PRKCZ: variants seen among roughly 807,000 people sequenced by gnomAD.
PRKCZ encodes protein kinase C zeta.
In PRKCZ, 33 loss-of-function variants were observed where a neutral mutation model predicts 79.5. That is an observed-to-expected ratio of 0.41 (90% CI 0.31 to 0.55). The LOEUF (loss-of-function observed/expected upper bound fraction) is 0.55. Among genes scored for constraint, PRKCZ ranks in the 20% least tolerant of loss-of-function variants. The pLI, the probability that PRKCZ is intolerant of heterozygous loss-of-function variation, is 0.19. For missense variants in PRKCZ, 578 were observed against 813.5 expected (o/e 0.71, Z 3.52); for synonymous variants, 342 against 320.9 (o/e 1.07, Z -0.70).
rs1428320172 is a variant in PRKCZ, at chr1:2,082,447, T to C, written c.334+22856T>C. On this transcript the variant is annotated intron_variant, in intron 4 of 17. Transcript: ENST00000378567. The surrounding 1 kb of genome is among the most constrained non-coding windows in gnomAD (Gnocchi z 4.4). ...GAGAGAATTGAGTTTGCATGGAGACTGTAATTTCATTCTGTGAGTGTAAGA... is the reference window on the plus strand; with the variant it reads ...GAGAGAATTGAGTTTGCATGGAGACCGTAATTTCATTCTGTGAGTGTAAGA... 1 of 455,888 alleles carries C rather than the reference T, an allele frequency of 2.2e-6. No individual in the cohort carries two copies. The highest frequency in any genetic ancestry group is 4.4e-6 in the Non-Finnish European group (1 of 226,788). 28.2% of individuals were successfully genotyped at this position (455,888 alleles called of 1,614,324 possible). A position where few individuals can be genotyped will look rare whatever the true frequency, so the allele number is the denominator to read the frequency against.
At position 2,129,558 on chromosome 1, in the gene PRKCZ, C is replaced by G. The variant is rs368816952; in HGVS notation, c.335-5704C>G. 1.1e-4 allele frequency among the ~76,000 whole-genome samples: 17 copies of G among 152,254 alleles called. No homozygotes were observed. The East Asian group carries it at 1.7e-3, about 16-fold the overall frequency. ...GAAAACCAAGGAAAGGTCTGAATAT[C>G]GCTTAAGGTAGCCATGGATCCTGTC... On this transcript the variant is annotated intron_variant, in intron 4 of 17. Transcript: ENST00000378567.
chr1:2,066,938 T>C lies in PRKCZ; in HGVS notation c.334+7347T>C, dbSNP rs59768895. On this transcript the variant is annotated intron_variant, in intron 4 of 17. Transcript: ENST00000378567. ...TATAAATTTTCTCCTTAGCATTGCT[T>C]TCCCTGCATCCCTGAAATGTTGATA... Among the ~76,000 whole-genome samples the C allele has an allele frequency of 0.011, 1,649 of 152,302 alleles. 137 individuals carry two copies. The East Asian group carries it at 0.21, about 19-fold the overall frequency.
chr1:2,081,940 C>G (rs995433101), intron 4 of PRKCZ, among the ~76,000 whole-genome samples: 3 of 152,242 alleles, frequency 2.0e-5, no homozygotes, highest in Non-Finnish European at 4.4e-5. Flanking sequence ...GCTGGCCCCT[C>G]TTGCCCATTT....
chr1:2,059,533 T>A lies in PRKCZ; in HGVS notation c.284-8T>A. On this transcript the variant is annotated splice_polypyrimidine_tract_variant and splice_region_variant and intron_variant, in intron 3 of 17. Coordinates refer to ENST00000378567, the MANE Select transcript of PRKCZ (RefSeq NM_002744.6). ...TCTTGACGCTGTCTCTTTCTCTCTCTTGTCCAGTTTTCCCGAGCACCCCTG... is the reference window on the plus strand; with the variant it reads ...TCTTGACGCTGTCTCTTTCTCTCTCATGTCCAGTTTTCCCGAGCACCCCTG... 6.2e-7 allele frequency: 1 copy of A among 1,614,126 alleles called. No homozygotes were observed.
chr1:2,107,528 T>G (rs938883117), intron 4 of PRKCZ, among the ~76,000 whole-genome samples: 13 of 152,194 alleles, frequency 8.5e-5, no homozygotes, highest in African/African-American at 3.1e-4. Context: ...CATTTTACTT[T>G]TGTGCTGGGG....
chr1:2,130,473 C>T (rs986136084), intron 4 of PRKCZ, among the ~76,000 whole-genome samples: 49 of 152,298 alleles, frequency 3.2e-4, no homozygotes, highest in African/African-American at 1.1e-3. Flanking sequence ...GCCCAAAACT[C>T]CCACCTCGGA....
intron 16 of PRKCZ, chr1:2,181,670 C>A: frequency 2.8e-6 from 1 of 350,922 alleles, no homozygotes. Context: ...GCCCTCGGAG[C>A]AGAGAACGGG....
Position 2,144,215 on chromosome 1 carries a change from G to A in PRKCZ, c.426G>A (p.Ala142=), listed in dbSNP as rs142420048. ...CGCTCTGTTCCCACCTGCAGAGAGCGTACTGCGGTCAGTGCAGCGAGAGGA... is the reference window on the plus strand; with the variant it reads ...CGCTCTGTTCCCACCTGCAGAGAGCATACTGCGGTCAGTGCAGCGAGAGGA... ...LFQAKRFNRR[A]YCGQCSERIW... Residue 142 remains alanine, a synonymous_variant, in exon 6 of 18, where the codon GCG becomes GCA. Transcript: ENST00000378567. 4.5e-5 allele frequency: 70 copies of A among 1,552,010 alleles called. No homozygotes were observed. The highest frequency in any genetic ancestry group is 7.1e-5 in the South Asian group (6 of 84,086).
At chr1:2,110,762 G>C (rs919172515) in intron 4 of PRKCZ, among the ~76,000 whole-genome samples, 1 of 152,092 alleles carries the variant, frequency 6.6e-6, no homozygotes, top group Non-Finnish European at 1.5e-5. Flanking sequence ...TGGGAGCAGC[G>C]GAGTGAAGGG....
rs778417185 is a variant in PRKCZ, at chr1:2,178,607, G to A, written c.1575+3294G>A. On this transcript the variant is annotated intron_variant, in intron 16 of 17. Transcript: ENST00000378567. The surrounding 1 kb of genome is among the most constrained non-coding windows in gnomAD (Gnocchi z 4.3). ...GTGCTCAGGGCGCAGTTGCAGGTCC[G>A]GTGGTCTCAGTCTAGCCTTTCAGGG... Among the ~76,000 whole-genome samples, 11 of 152,288 alleles carry A rather than the reference G, an allele frequency of 7.2e-5. No individual in the cohort carries two copies. The highest frequency in any genetic ancestry group is 2.1e-4 in the South Asian group (1 of 4,824).
chr1:2,104,644 C>G, intron 4 of PRKCZ: 1 of 980,148 alleles, frequency 1.0e-6, no homozygotes. Flanking sequence ...CAGGGAGCAT[C>G]CAGGGGAAGC....
At chr1:2,146,848 C>T (rs1265032657) in intron 7 of PRKCZ, among the ~76,000 whole-genome samples, 1 of 152,220 alleles carries the variant, frequency 6.6e-6, no homozygotes, top group African/African-American at 2.4e-5. Flanking sequence ...TGCTCCTCCA[C>T]CCACCTATCC....
At chr1:2,131,717 AGCCTGAAGTTGGATTGGTTACTGCTGCG>A (rs1457576359) in intron 4 of PRKCZ, among the ~76,000 whole-genome samples, 1 of 152,342 alleles carries the variant, frequency 6.6e-6, no homozygotes, top group East Asian at 1.9e-4. Context: ...CGCCGCTGCT[AGCCTGAAGTTGGATTGGTTACTGCTGCG>A]GCCTGAAATT....
intron 4 of PRKCZ, among the ~76,000 whole-genome samples, chr1:2,090,613 G>A (rs954896212): frequency 2.6e-5 from 4 of 152,236 alleles, no homozygotes; most frequent in Non-Finnish European, 4.4e-5. Context: ...CTCCAAGGAG[G>A]CCCCGTGCAC....
At chr1:2,158,543 C>T (rs1392818143) in intron 10 of PRKCZ, among the ~76,000 whole-genome samples, 3 of 152,234 alleles carry the variant, frequency 2.0e-5, no homozygotes, top group Admixed American at 6.5e-5. Flanking sequence ...GGCCTCTTTC[C>T]GCCCTGACTG....
chr1:2,081,682 G>T (rs905895047), intron 4 of PRKCZ, among the ~76,000 whole-genome samples: 4 of 152,166 alleles, frequency 2.6e-5, no homozygotes, highest in Non-Finnish European at 1.5e-5. Flanking sequence ...GACTGACCCC[G>T]CATACTCTTC....
intron 4 of PRKCZ, among the ~76,000 whole-genome samples, chr1:2,103,158 G>A (rs1485396884): frequency 8.5e-5 from 13 of 152,192 alleles, no homozygotes; most frequent in Non-Finnish European, 1.0e-4. Flanking sequence ...GGGCTAGACT[G>A]TGGGGTTTTT....
Position 2,148,855 on chromosome 1 carries a change from C to T in PRKCZ, c.635-17C>T, listed in dbSNP as rs1426208082. 1 of 1,613,458 alleles carries T rather than the reference C, an allele frequency of 6.2e-7. No homozygotes were observed. Among genetic ancestry groups the T allele is most frequent in the Non-Finnish European group, 8.5e-7 (1 of 1,179,492 alleles). On this transcript the variant is annotated splice_polypyrimidine_tract_variant and intron_variant, in intron 7 of 17. Coordinates refer to ENST00000378567, the MANE Select transcript of PRKCZ (RefSeq NM_002744.6). The stretch of plus-strand genomic sequence containing the variant: ...GACCACACCGTAACGCCCCTTCCTT[C>T]CTCCCTCTCTCACCAGTTGCTTACA...
chr1:2,136,066 A>G (rs1202952830), intron 5 of PRKCZ, among the ~76,000 whole-genome samples: 1 of 152,024 alleles, frequency 6.6e-6, no homozygotes, highest in Non-Finnish European at 1.5e-5. Context: ...CCCTCACAGG[A>G]GCGGTGGCCC....
Sources: gnomAD v4.1 joint callset for allele counts (sites outside exome capture counted in the v4.1 genomes callset) on GRCh38, gnomAD v4.1.1 for gene constraint, Gnocchi (gnomAD v3.1) non-coding constraint, MANE v1.5 for transcripts, NCBI Gene and HGNC (gene_info 2026-07-23, HGNC 2026-07-21) for gene names.